Variants in ABCA6 observed in about 807,000 individuals in gnomAD.
ABCA6 encodes the protein ATP binding cassette subfamily A member 6, also known as ATP-binding cassette sub-family A member 6.
A neutral mutation model predicts 191.2 loss-of-function variants in ABCA6; 164 were observed. That is an observed-to-expected ratio of 0.86 (90% CI 0.76 to 0.98). ABCA6 has a LOEUF of 0.98. Ranked by LOEUF, ABCA6 falls within the 50% of genes least tolerant of loss-of-function variation. The probability of loss-of-function intolerance (pLI) is 0.00; values close to 1 mark genes in which losing one functional copy is unlikely to be tolerated. For missense variants in ABCA6, 1,958 were observed against 1,894.1 expected (o/e 1.03, Z -0.63); for synonymous variants, 636 against 647.7 (o/e 0.98, Z 0.27).
At position 69,129,768 on chromosome 17, in the gene ABCA6, A is replaced by T; in HGVS notation, c.792-17T>A. On this transcript the variant is annotated splice_polypyrimidine_tract_variant and intron_variant, in intron 6 of 38. Coordinates refer to ENST00000284425, the MANE Select transcript of ABCA6 (RefSeq NM_080284.3). ...CAGGAGAGCCTAAATAAAGACAAAA[A>T]GTTATATAAATTATGTTAACTTATT... 6.5e-7 allele frequency: 1 copy of T among 1,547,456 alleles called. No homozygotes were observed. The highest frequency in any genetic ancestry group is 8.7e-7 in the Non-Finnish European group (1 of 1,144,574).
chr17:69,130,482 A>C (rs999134509), intron 6 of ABCA6, among the ~76,000 whole-genome samples: 15 of 152,192 alleles, frequency 9.9e-5, no homozygotes, highest in African/African-American at 2.9e-4. Context: ...TGTATGTATT[A>C]TTCTGCAAGA....
chr17:69,122,318 C>A (rs935776289), intron 10 of ABCA6, among the ~76,000 whole-genome samples: 39 of 152,010 alleles, frequency 2.6e-4, no homozygotes, highest in African/African-American at 8.7e-4. Context: ...CTATTTAAAG[C>A]GCTGATCCAT....
chr17:69,085,312 A>G, intron 31 of ABCA6, 130 bp from the exon 32 acceptor site: 3 of 870,910 alleles, frequency 3.4e-6, no homozygotes, highest in Non-Finnish European at 5.1e-6. Context: ...ATTACTTCAT[A>G]TATTTATTAC....
chr17:69,106,349 CT>C lies in ABCA6; in HGVS notation c.2390-139del, dbSNP rs2073304399. ...GGCTTATGCCTGTAATCCCAGTACT[CT>C]GGGAGACCAAGGTGGGTGGATCACC... On this transcript the variant is annotated intron_variant, in intron 18 of 38. Transcript: ENST00000284425. The C allele has an allele frequency of 4.6e-6, 4 of 876,956 alleles. No homozygotes were observed. The South Asian group carries it at 9.7e-5, about 21-fold the overall frequency. The allele number at this position is 876,956 out of a possible 1,614,324, so 54.3% of individuals were successfully genotyped here.
Position 69,102,933 on chromosome 17 carries a change from G to T in ABCA6, c.2776C>A (p.His926Asn). The change falls in exon 21 of 39, where the codon CAT becomes AAT. Residue 926 changes from histidine to asparagine, a missense_variant. Coordinates refer to ENST00000284425, the MANE Select transcript of ABCA6 (RefSeq NM_080284.3). ...NIEDFIKSLK[H>N]QNILLEVDDF... ...TCTACTTCCAAAAGTATATTTTGAT[G>T]CTTCAGTGATTTTATAAAATCTTCA... 2 of 1,558,564 alleles carry T rather than the reference G, an allele frequency of 1.3e-6. No individual in the cohort carries two copies. The highest frequency in any genetic ancestry group is 1.8e-6 in the Non-Finnish European group (2 of 1,140,062).
rs1429150518 is a variant in ABCA6 at position 69,113,224 on chromosome 17, G to C, written c.2039C>G (p.Ala680Gly). Reference sequence around the variant, plus strand: ...ACTGAGATAAAACCAACAATTACCAGCCAGGATGTCAGCCTCATCCATGGA... The same window carrying C: ...ACTGAGATAAAACCAACAATTACCACCCAGGATGTCAGCCTCATCCATGGA... ...TQSMDEADILADRKVIMSNGR... is the reference protein window; with the variant it reads ...TQSMDEADILGDRKVIMSNGR... The change falls in exon 15 of 39, where the codon GCT becomes GGT. Residue 680 changes from alanine (A) to glycine (G), a missense_variant and splice_region_variant. By Grantham distance (60) the Ala-to-Gly change is moderately conservative (BLOSUM62 0). Transcript: ENST00000284425. 8 of 1,601,398 alleles carry C rather than the reference G, an allele frequency of 5.0e-6. No individual in the cohort carries two copies. In the South Asian group the frequency reaches 8.9e-5, roughly 18 times the overall value.
chr17:69,112,086 G>T, intron 16 of ABCA6, 97 bp downstream of exon 16: 2 of 881,086 alleles, frequency 2.3e-6, no homozygotes, highest in Non-Finnish European at 3.8e-6. Context: ...GTATGGTAGA[G>T]ATGAAGCACG....
At chr17:69,134,503 C>G in intron 5 of ABCA6, 136 bp downstream of exon 5, 1 of 659,608 alleles carries the variant, frequency 1.5e-6, no homozygotes, top group East Asian at 2.8e-5. Flanking sequence ...AATTTCTGTC[C>G]TTTACAAATT....
chr17:69,111,389 G>C (rs2073419474), intron 16 of ABCA6: 1 of 152,862 alleles, frequency 6.5e-6, no homozygotes, highest in Non-Finnish European at 1.5e-5. Flanking sequence ...TGGTTTGGCT[G>C]TGTCCCCACC....
chr17:69,084,972 C>T, intron 32 of ABCA6, 56 bp downstream of exon 32: 4 of 1,516,856 alleles, frequency 2.6e-6, no homozygotes, highest in Admixed American at 2.4e-5. Flanking sequence ...AATTCATCAT[C>T]AGTGCTACAG....
Position 69,086,653 on chromosome 17 carries a change from A to G in ABCA6, c.3902T>C (p.Ile1301Thr). The change falls in exon 30 of 39, where the codon ATA becomes ACA. Residue 1301 changes from isoleucine to threonine, a missense_variant. Transcript: ENST00000284425. The stretch of plus-strand genomic sequence containing the variant: ...ACAGAAAGAGATATTTCTTGCTGCT[A>G]TTTTCTTCTTCCTCTTTGAAAAGCA... ...KSCFSKRKKK[I>T]AARNISFCVQ... 2 of 1,612,638 alleles carry G rather than the reference A, an allele frequency of 1.2e-6. No homozygotes were observed. The highest frequency in any genetic ancestry group is 1.3e-5 in the African/African-American group (1 of 74,938).
chr17:69,088,171 A>G lies in ABCA6; in HGVS notation c.3694T>C (p.Phe1232Leu). The G allele has an allele frequency of 6.2e-7, 1 of 1,610,542 alleles. No homozygotes were observed. The highest frequency in any genetic ancestry group is 2.2e-5 in the East Asian group (1 of 44,790). Residue 1232 changes from phenylalanine (F) to leucine (L), a missense_variant, in exon 28 of 39, where the codon TTC (phenylalanine) becomes CTC (leucine). Physicochemically the swap from Phe to Leu is conservative, Grantham distance 22. Coordinates refer to ENST00000284425, the MANE Select transcript of ABCA6 (RefSeq NM_080284.3). Reference sequence around the variant, plus strand: ...AAAGTTAAATTTCACCCCAACCTGAAAACAGGATCTTTTCGCATTCTTTTC... The same window carrying G: ...AAAGTTAAATTTCACCCCAACCTGAGAACAGGATCTTTTCGCATTCTTTTC... ...GKKRMRKDPV[F>L]RISPQSRDAK...
intron 16 of ABCA6, 25 bp from the exon 17 acceptor site, chr17:69,110,965 T>G: frequency 6.4e-7 from 1 of 1,566,988 alleles, no homozygotes; most frequent in East Asian, 2.3e-5. Context: ...AAAAGATAAG[T>G]CATTTGCATT....
At chr17:69,087,597 G>T in intron 28 of ABCA6, 124 bp from the exon 29 acceptor site, 1 of 1,292,938 alleles carries the variant, frequency 7.7e-7, no homozygotes, top group Non-Finnish European at 1.1e-6. Flanking sequence ...ATGTGATGAT[G>T]ACTGTCAATA....
chr17:69,113,270 C>G lies in ABCA6; in HGVS notation c.1993G>C (p.Val665Leu), dbSNP rs779822676. Residue 665 changes from valine to leucine, a missense_variant, in exon 15 of 39, where the codon GTG becomes CTG. Transcript: ENST00000284425. The part of the protein sequence containing the change: ...SLLRERRADH[V>L]ILFSTQSMDE... ...ATGGACTGGGTACTGAAAAGGATCA[C>G]ATGATCTGCTCTACGCTCTCTCAGG... The G allele has an allele frequency of 7.5e-6, 12 of 1,605,614 alleles. No homozygotes were observed. The highest frequency in any genetic ancestry group is 1.0e-5 in the Non-Finnish European group (12 of 1,177,586).
Sources: gnomAD v4.1 joint callset for allele counts (sites outside exome capture counted in the v4.1 genomes callset) on GRCh38, gnomAD v4.1.1 for gene constraint, MANE v1.5 for transcripts, NCBI Gene and HGNC (gene_info 2026-07-23, HGNC 2026-07-21) for gene names.